SLC12A6: variants seen among roughly 807,000 people sequenced by gnomAD.
SLC12A6 encodes K-Cl cotransporter 3.
Under a neutral mutation model 135.3 loss-of-function variants are expected in SLC12A6, and 66 were observed. That is an observed-to-expected ratio of 0.49 (90% confidence interval 0.40 to 0.60). The LOEUF (loss-of-function observed/expected upper bound fraction) is 0.60, where lower values mean the gene tolerates loss of function less well. Among genes scored for constraint, SLC12A6 ranks in the 20% least tolerant of loss-of-function variants. The pLI is 0.00. For missense variants in SLC12A6, 1,058 were observed against 1,452.3 expected (o/e 0.73, Z 4.41); for synonymous variants, 513 against 508.8 (o/e 1.01, Z -0.11).
intron 9 of SLC12A6, among the ~76,000 whole-genome samples, chr15:34,253,801 C>T (rs1892554661): frequency 6.6e-6 from 1 of 152,156 alleles, no homozygotes; most frequent in South Asian, 2.1e-4. Context: ...CAGATGTGCA[C>T]AAATCCATTA....
At chr15:34,259,232 C>T (rs763192277) in intron 4 of SLC12A6, among the ~76,000 whole-genome samples, 17 of 151,454 alleles carry the variant, frequency 1.1e-4, no homozygotes, top group Non-Finnish European at 1.9e-4. Flanking sequence ...CCCAGCTACA[C>T]GGGAGGCTGA....
At chr15:34,292,325 A>G (rs1053743551) in intron 2 of SLC12A6, among the ~76,000 whole-genome samples, 2 of 152,182 alleles carry the variant, frequency 1.3e-5, no homozygotes, top group African/African-American at 4.8e-5. Context: ...GAGGCTGCAG[A>G]ACAGCAAATA....
chr15:34,257,054 G>A (rs780709597), intron 6 of SLC12A6, among the ~76,000 whole-genome samples: 3 of 152,116 alleles, frequency 2.0e-5, no homozygotes, highest in African/African-American at 7.2e-5. Flanking sequence ...TACAGGTAGG[G>A]TATAAAGGTC....
intron 2 of SLC12A6, among the ~76,000 whole-genome samples, chr15:34,313,403 C>G (rs1259549894): frequency 6.6e-6 from 1 of 152,144 alleles, no homozygotes; most frequent in Non-Finnish European, 1.5e-5. Context: ...AGAACAAGAC[C>G]CTAACTCTCT....
chr15:34,244,479 C>T (rs1024009867), intron 15 of SLC12A6, among the ~76,000 whole-genome samples: 2 of 152,206 alleles, frequency 1.3e-5, no homozygotes, highest in African/African-American at 4.8e-5. Context: ...TCTAATCCAT[C>T]TTTTATACAA....
intron 2 of SLC12A6, among the ~76,000 whole-genome samples, chr15:34,282,295 A>G (rs1019207101): frequency 1.3e-5 from 2 of 152,238 alleles, no homozygotes; most frequent in Non-Finnish European, 2.9e-5. Flanking sequence ...CAAAATGCTA[A>G]TGACTGCCTA....
chr15:34,264,135 T>C (rs1335913302), intron 3 of SLC12A6, among the ~76,000 whole-genome samples: 2 of 152,158 alleles, frequency 1.3e-5, no homozygotes, highest in African/African-American at 4.8e-5. Flanking sequence ...ATAGATGGAA[T>C]GACAGAAAAA....
intron 2 of SLC12A6, among the ~76,000 whole-genome samples, chr15:34,277,236 C>T (rs930010535): frequency 6.6e-6 from 1 of 152,126 alleles, no homozygotes; most frequent in African/African-American, 2.4e-5. Context: ...AGTTTGAAAC[C>T]AGCCTGAGCA....
rs372959539 is a variant in SLC12A6, at chr15:34,258,805, G to C, written c.543+8C>G. The C allele has an allele frequency of 2.7e-5, 44 of 1,610,552 alleles. No homozygotes were observed. In the African/African-American group the frequency reaches 4.8e-4, roughly 18 times the overall value. On this transcript the variant is annotated splice_region_variant and intron_variant, in intron 5 of 25. Coordinates refer to ENST00000354181, the MANE Select transcript of SLC12A6 (RefSeq NM_001365088.1). ...TTCTATGTATTCCTTGTTATTCTGA[G>C]GCCTCACCTTGGTGGGCTTCTTTTT...
At chr15:34,325,535 G>A (rs1470387892) in intron 2 of SLC12A6, among the ~76,000 whole-genome samples, 1 of 152,102 alleles carries the variant, frequency 6.6e-6, no homozygotes, top group Non-Finnish European at 1.5e-5. Flanking sequence ...AAAAATAGAA[G>A]AATTAAATGT....
chr15:34,238,564 T>A, intron 20 of SLC12A6, 163 bp from the exon 21 acceptor site: 1 of 673,212 alleles, frequency 1.5e-6, no homozygotes, highest in East Asian at 2.7e-5. Context: ...TTGTGAAAAA[T>A]CTGAATAGCT....
intron 12 of SLC12A6, 135 bp from the exon 13 acceptor site, chr15:34,250,490 A>G: frequency 1.2e-6 from 1 of 836,788 alleles, no homozygotes; most frequent in African/African-American, 1.7e-5. Flanking sequence ...TGAATTTTCT[A>G]TATGAGGTAG....
intron 3 of SLC12A6, 138 bp from the exon 4 acceptor site, chr15:34,261,158 C>A (rs966706771): frequency 3.0e-6 from 2 of 663,130 alleles, no homozygotes. Flanking sequence ...ACTCAATCAG[C>A]ACTGCTTGGA....
intron 2 of SLC12A6, among the ~76,000 whole-genome samples, chr15:34,282,648 G>A (rs993783066): frequency 6.6e-6 from 1 of 152,138 alleles, no homozygotes; most frequent in African/African-American, 2.4e-5. Context: ...AGCTACTCAG[G>A]AGGCTGAAGT....
intron 2 of SLC12A6, among the ~76,000 whole-genome samples, chr15:34,329,489 T>C (rs1461814930): frequency 1.3e-5 from 2 of 152,162 alleles, no homozygotes; most frequent in African/African-American, 4.8e-5. Flanking sequence ...TTTCCTTCCA[T>C]TCCAGTAAAG....
chr15:34,310,313 G>A (rs1888086437), intron 2 of SLC12A6, among the ~76,000 whole-genome samples: 1 of 141,888 alleles, frequency 7.0e-6, no homozygotes. Context: ...GTGTGTGTGT[G>A]TGTGTGTGTG....
Position 34,254,379 on chromosome 15 carries a change from T to A in SLC12A6, c.1087A>T (p.Ile363Phe). Residue 363 changes from isoleucine to phenylalanine, a missense_variant, in exon 9 of 26, where the codon ATC becomes TTC. By Grantham distance (21) the Ile-to-Phe change is conservative. Coordinates refer to ENST00000354181, the MANE Select transcript of SLC12A6 (RefSeq NM_001365088.1). The stretch of plus-strand genomic sequence containing the variant: ...TGTGGAGGAGCAAAAGAAGACTTGA[T>A]GGCTCCAGCATAGATGGCCAAGATG... ...VSILAIYAGA[I>F]KSSFAPPHFP... 6.2e-7 allele frequency: 1 copy of A among 1,613,920 alleles called. No individual in the cohort carries two copies. The highest frequency in any genetic ancestry group is 8.5e-7 in the Non-Finnish European group (1 of 1,179,812).
chr15:34,268,177 C>G (rs1381490960), intron 3 of SLC12A6, among the ~76,000 whole-genome samples: 1 of 152,184 alleles, frequency 6.6e-6, no homozygotes, highest in Non-Finnish European at 1.5e-5. Flanking sequence ...CAATCCTGTC[C>G]CATTCTGCTA....
At chr15:34,327,017 CAT>C (rs1308047435) in intron 2 of SLC12A6, among the ~76,000 whole-genome samples, 5 of 151,990 alleles carry the variant, frequency 3.3e-5, no homozygotes, top group Non-Finnish European at 7.4e-5. Flanking sequence ...CTTGGAATTA[CAT>C]GTGCCTAGGT....
Sources: allele counts gnomAD v4.1 joint callset (sites outside exome capture counted in the v4.1 genomes callset), GRCh38; gene constraint gnomAD v4.1.1; transcripts MANE v1.5; gene names NCBI Gene and HGNC (gene_info 2026-07-23, HGNC 2026-07-21).